BCR: variants seen among roughly 807,000 people sequenced by gnomAD.
The protein encoded by BCR is breakpoint cluster region protein.
A neutral mutation model predicts 138.6 loss-of-function variants in BCR; 58 were observed. The ratio of observed to expected loss-of-function variants is 0.42; its 90% confidence interval spans 0.34 to 0.52. BCR has a LOEUF of 0.52. Among genes scored for constraint, BCR ranks in the 20% least tolerant of loss-of-function variants. The pLI, the probability that BCR is intolerant of heterozygous loss-of-function variation, is 0.06. For missense variants in BCR, 1,599 were observed against 1,727.2 expected, an observed-to-expected ratio of 0.93 and a Z score of 1.32; for synonymous variants, 786 against 730.1, an observed-to-expected ratio of 1.08 and a Z score of -1.23.
At chr22:23,258,667 C>T (rs1393462868) in intron 2 of BCR, among the ~76,000 whole-genome samples, 3 of 152,096 alleles carry the variant, frequency 2.0e-5, no homozygotes, top group Non-Finnish European at 4.4e-5. Context: ...TGCCACACCT[C>T]GGGGGAGAGG....
intron 1 of BCR, among the ~76,000 whole-genome samples, chr22:23,241,810 C>T (rs2032652327): frequency 1.3e-5 from 2 of 152,170 alleles, no homozygotes; most frequent in South Asian, 4.1e-4. Context: ...AGATGTGCTG[C>T]CAGAACGTCA....
intron 5 of BCR, among the ~76,000 whole-genome samples, chr22:23,270,468 G>C (rs1213126857): frequency 6.6e-6 from 1 of 152,176 alleles, no homozygotes; most frequent in African/African-American, 2.4e-5. Context: ...CCAGGCTCTT[G>C]TGAGCCCAGC....
At chr22:23,239,387 C>A (rs988781038) in intron 1 of BCR, among the ~76,000 whole-genome samples, 2 of 152,116 alleles carry the variant, frequency 1.3e-5, no homozygotes, top group Non-Finnish European at 2.9e-5. Flanking sequence ...AGCAGGTGCC[C>A]GGCACTGGAA....
chr22:23,255,628 G>A (rs1012776367), intron 2 of BCR, among the ~76,000 whole-genome samples: 3 of 152,198 alleles, frequency 2.0e-5, no homozygotes, highest in East Asian at 1.9e-4. Flanking sequence ...TCCTGGCCCC[G>A]AAAGGAAGCT....
At chr22:23,263,261 C>CA (rs774970245) in intron 4 of BCR, 2 of 1,085,690 alleles carry the variant, frequency 1.8e-6, no homozygotes, top group Non-Finnish European at 2.7e-6. Flanking sequence ...CCTACCTCGA[C>CA]ATGCGGGCCC....
rs1288029312 is a variant in BCR at position 23,268,635 on chromosome 22, AT to A, written c.1860+122del. ...GGTCGTGAACCCCAGCTGTTTCCAG[AT>A]TCTGTTGGGTTCGTTGCGTCAGCCC... On this transcript the variant is annotated intron_variant, in intron 5 of 22. Coordinates refer to ENST00000305877, the MANE Select transcript of BCR (RefSeq NM_004327.4). The A allele has an allele frequency of 6.6e-6, 6 of 912,346 alleles. No individual in the cohort carries two copies. The Admixed American group carries it at 1.1e-4, about 16-fold the overall frequency. The allele number at this position is 912,346 out of a possible 1,614,324, so 56.5% of individuals were successfully genotyped here.
intron 14 of BCR, 51 bp downstream of exon 14, chr22:23,290,464 A>G: frequency 1.3e-6 from 2 of 1,569,914 alleles, no homozygotes; most frequent in Non-Finnish European, 1.8e-6. Context: ...CAGGGTCTCC[A>G]CCCAGGAAGG....
chr22:23,248,811 T>G (rs1309313995), intron 1 of BCR, among the ~76,000 whole-genome samples: 1 of 152,154 alleles, frequency 6.6e-6, no homozygotes, highest in Non-Finnish European at 1.5e-5. Context: ...GATAAAGCTT[T>G]GCAGGAAGGA....
intron 1 of BCR, among the ~76,000 whole-genome samples, chr22:23,245,930 AC>A (rs1206406213): frequency 6.6e-6 from 1 of 152,158 alleles, no homozygotes; most frequent in African/African-American, 2.4e-5. Context: ...TAGTTCCGAA[AC>A]ATTTTCGTCA....
intron 1 of BCR, among the ~76,000 whole-genome samples, chr22:23,205,242 A>G (rs2072597557): frequency 6.6e-6 from 1 of 152,194 alleles, no homozygotes; most frequent in African/African-American, 2.4e-5. Flanking sequence ...TCTGGAGGGC[A>G]TAAGGACAGG....
chr22:23,203,304 C>G (rs2072577426), intron 1 of BCR, among the ~76,000 whole-genome samples: 1 of 152,168 alleles, frequency 6.6e-6, no homozygotes, highest in East Asian at 1.9e-4. Context: ...CCCCAGTTTA[C>G]CCTTGGCTTT....
chr22:23,233,671 T>A (rs1328628734), intron 1 of BCR, among the ~76,000 whole-genome samples: 1 of 151,674 alleles, frequency 6.6e-6, no homozygotes, highest in Non-Finnish European at 1.5e-5. Flanking sequence ...ACTCTTGTAG[T>A]CCCAGCTATT....
intron 1 of BCR, among the ~76,000 whole-genome samples, chr22:23,208,004 A>G (rs1053593731): frequency 6.6e-6 from 1 of 152,140 alleles, no homozygotes; most frequent in Non-Finnish European, 1.5e-5. Flanking sequence ...AGGTGTGCCC[A>G]TCTGTACCCA....
intron 4 of BCR, 109 bp from the exon 5 acceptor site, chr22:23,268,299 C>T (rs562503817): frequency 5.6e-5 from 47 of 836,066 alleles, no homozygotes; most frequent in South Asian, 4.6e-4. Context: ...GCCTGTGTGC[C>T]GTCTGCTGTC....
chr22:23,210,945 G>C (rs1424825914), intron 1 of BCR, among the ~76,000 whole-genome samples: 1 of 152,076 alleles, frequency 6.6e-6, no homozygotes, highest in Admixed American at 6.6e-5. Flanking sequence ...GTTTAAAATG[G>C]ACCATTCAGT....
At chr22:23,256,712 G>A (rs1418226828) in intron 2 of BCR, among the ~76,000 whole-genome samples, 1 of 152,176 alleles carries the variant, frequency 6.6e-6, no homozygotes, top group East Asian at 1.9e-4. Context: ...GGAGGGACTA[G>A]AAGGGGCCTC....
intron 8 of BCR, among the ~76,000 whole-genome samples, chr22:23,275,067 G>A (rs750101965): frequency 6.6e-6 from 1 of 152,142 alleles, no homozygotes; most frequent in Non-Finnish European, 1.5e-5. Context: ...CTCCTGCCCT[G>A]GGCCACCAGG....
In BCR at chr22:23,275,071, C is replaced by T. The variant is rs114109091; in HGVS notation, c.2115+1297C>T. On this transcript the variant is annotated intron_variant, in intron 8 of 22. Coordinates refer to ENST00000305877, the MANE Select transcript of BCR (RefSeq NM_004327.4). ...TTGCTTTCCTCCTCCTGCCCTGGGC[C>T]ACCAGGCAGGCAGCTGTCAGCCCCA... 3.3e-3 allele frequency among the ~76,000 whole-genome samples: 507 copies of T among 152,260 alleles called. 4 individuals are homozygous for T. Among genetic ancestry groups the T allele is most frequent in the African/African-American group, 0.012 (479 of 41,570 alleles).
Position 23,180,723 on chromosome 22 carries a change from A to C in BCR, c.-238A>C. 6.7e-6 allele frequency: 1 copy of C among 149,074 alleles called. No individual in the cohort carries two copies. Among genetic ancestry groups the C allele is most frequent in the South Asian group, 1.8e-4 (1 of 5,632 alleles). 9.2% of individuals were successfully genotyped at this position (149,074 alleles called of 1,614,324 possible). A position where few individuals can be genotyped will look rare whatever the true frequency, so the allele number is the denominator to read the frequency against. ...GCCTCGCCGTGCGGAGGAGCCCCGC[A>C]CACAATAGCGGCGCGCGCAGCCCGC... On this transcript the variant is annotated 5_prime_UTR_variant, in exon 1 of 23. Transcript: ENST00000305877.
Sources: gnomAD v4.1 joint callset for allele counts (sites outside exome capture counted in the v4.1 genomes callset) on GRCh38, gnomAD v4.1.1 for gene constraint, MANE v1.5 for transcripts, NCBI Gene and HGNC (gene_info 2026-07-23, HGNC 2026-07-21) for gene names.